The following NGFR variants were observed in gnomAD, a reference collection of about 807,000 sequenced individuals.
NGFR encodes the protein nerve growth factor receptor, also known as tumor necrosis factor receptor superfamily member 16.
Under a neutral mutation model 43.2 loss-of-function variants are expected in NGFR, and 30 were observed. That is an observed-to-expected ratio of 0.69 (90% CI 0.52 to 0.94). The LOEUF (loss-of-function observed/expected upper bound fraction) is 0.94. Ranked by LOEUF, NGFR falls within the 40% of genes least tolerant of loss-of-function variation. The pLI, the probability that NGFR is intolerant of heterozygous loss-of-function variation, is 0.00. For synonymous variants in NGFR, 246 were observed against 259.6 expected (o/e 0.95, Z 0.50); for missense variants, 529 against 602.5 (o/e 0.88, Z 1.28).
intron 1 of NGFR, 54 bp from the exon 2 acceptor site, chr17:49,502,009 A>ACCCC: frequency 6.0e-6 from 1 of 165,870 alleles, no homozygotes; most frequent in Non-Finnish European, 1.1e-5. Context: ...AACCCCCCCC[A>ACCCC]ACCCACCCCA....
Position 49,506,672 on chromosome 17 carries a change from G to A in NGFR, c.568+14G>A. ...CCGAGTGCGAGGGTGAGTGCGGTTC[G>A]GGGGGCGGGGGGAGTGGGGGTGCGG... On this transcript the variant is annotated intron_variant, in intron 3 of 5. Coordinates refer to ENST00000172229, the MANE Select transcript of NGFR (RefSeq NM_002507.4). 1 of 1,396,490 alleles carries A rather than the reference G, an allele frequency of 7.2e-7. No individual in the cohort carries two copies. The highest frequency in any genetic ancestry group is 9.4e-7 in the Non-Finnish European group (1 of 1,066,254). The allele number at this position is 1,396,490 out of a possible 1,614,324, so 86.5% of individuals were successfully genotyped here.
chr17:49,502,859 CCTTCCTT>C (rs1206578691), intron 2 of NGFR, among the ~76,000 whole-genome samples: 1 of 142,020 alleles, frequency 7.0e-6, no homozygotes, highest in Non-Finnish European at 1.6e-5. Flanking sequence ...TTCCTTCCTT[CCTTCCTT>C]CCTTTCTCTC....
intron 3 of NGFR, among the ~76,000 whole-genome samples, chr17:49,508,850 C>G (rs534561): frequency 0.39 from 59,566 of 151,998 alleles, 12,870 homozygotes; most frequent in African/African-American, 0.58. Context: ...CCAGCCTTCC[C>G]CTACCATGCT....
At chr17:49,506,079 G>A (rs74892865) in intron 2 of NGFR, 10,497 of 850,896 alleles carry the variant, frequency 0.012, 351 homozygotes, top group East Asian at 0.11. Context: ...TCTGGAGCCT[G>A]GAGGATGCGG....
chr17:49,506,792 G>T, intron 3 of NGFR, 134 bp downstream of exon 3: 1 of 800,062 alleles, frequency 1.2e-6, no homozygotes, highest in Non-Finnish European at 1.9e-6. Flanking sequence ...GAGGCAGCGT[G>T]CACCTTCCCT....
chr17:49,496,592 G>C (rs2071139456), intron 1 of NGFR: 1 of 152,244 alleles, frequency 6.6e-6, no homozygotes, highest in Admixed American at 6.5e-5. Flanking sequence ...GCTGCGGGGC[G>C]AGGCAAGTGC....
At chr17:49,510,802 C>T (rs1437961298) in intron 4 of NGFR, 138 bp downstream of exon 4, 1 of 1,117,274 alleles carries the variant, frequency 9.0e-7, no homozygotes, top group East Asian at 2.5e-5. Flanking sequence ...TCATCTGCCG[C>T]CCCACTCCAG....
Position 49,511,959 on chromosome 17 carries a change from G to C in NGFR, c.889G>C (p.Glu297Gln). The C allele has an allele frequency of 6.2e-7, 1 of 1,613,614 alleles. No homozygotes were observed. The highest frequency in any genetic ancestry group is 8.5e-7 in the Non-Finnish European group (1 of 1,179,810). ...SRPVNQTPPP[E>Q]GEKLHSDSGI... ...GCCAGTGAACCAGACGCCCCCACCA[G>C]AGGGAGAAAAACTCCACAGCGACAG... Residue 297 changes from glutamate to glutamine, a missense_variant, in exon 5 of 6, where the codon GAG (glutamate) becomes CAG (glutamine). Coordinates refer to ENST00000172229, the MANE Select transcript of NGFR (RefSeq NM_002507.4).
At chr17:49,510,091 G>C (rs1246882675) in intron 3 of NGFR, among the ~76,000 whole-genome samples, 1 of 152,160 alleles carries the variant, frequency 6.6e-6, no homozygotes, top group Non-Finnish European at 1.5e-5. Flanking sequence ...CATAGCCCCA[G>C]ATGGAAGGGA....
chr17:49,510,900 C>T, intron 4 of NGFR: 2 of 550,882 alleles, frequency 3.6e-6, no homozygotes, highest in South Asian at 2.1e-5. Context: ...CAGCCCCTCC[C>T]ACTCCCATGC....
rs888256301 is a variant in NGFR at position 49,512,322 on chromosome 17, G to A, written c.982+270G>A. 6.6e-6 allele frequency among the ~76,000 whole-genome samples: 1 copy of A among 152,224 alleles called. No homozygotes were observed. The highest frequency in any genetic ancestry group is 2.4e-5 in the African/African-American group (1 of 41,454). ...TGGGGGCTAATTATTGCCCAAAGTAGCTGCAATTAGCCTCTTGCCCTGGAC... is the reference window on the plus strand; with the variant it reads ...TGGGGGCTAATTATTGCCCAAAGTAACTGCAATTAGCCTCTTGCCCTGGAC... On this transcript the variant is annotated intron_variant, in intron 5 of 5. Coordinates refer to ENST00000172229, the MANE Select transcript of NGFR (RefSeq NM_002507.4). This position sits in a 1 kb window ranked among gnomAD's most constrained non-coding sequence, Gnocchi z 5.2.
rs1016381124 is a variant in NGFR, at chr17:49,512,908, A to G, written c.1183A>G (p.Ser395Gly). 5 of 1,612,676 alleles carry G rather than the reference A, an allele frequency of 3.1e-6. No individual in the cohort carries two copies. The highest frequency in any genetic ancestry group is 3.4e-6 in the Non-Finnish European group (4 of 1,179,662). The change falls in exon 6 of 6, where the codon AGC (serine) becomes GGC (glycine). Residue 395 changes from serine to glycine, a missense_variant. Transcript: ENST00000172229. This position sits in a 1 kb window ranked among gnomAD's most constrained non-coding sequence, Gnocchi z 5.2. ...ALLASWATQD[S>G]ATLDALLAAL... ...GCTTGCAAGCTGGGCCACCCAGGAC[A>G]GCGCCACACTGGACGCCCTCCTGGC...
chr17:49,496,678 C>T (rs2071140259), intron 1 of NGFR: 2 of 152,224 alleles, frequency 1.3e-5, no homozygotes, highest in Non-Finnish European at 2.9e-5. Flanking sequence ...AGCGCCGCGC[C>T]CACCGCGCTC....
At chr17:49,502,024 T>C in intron 1 of NGFR, 39 bp from the exon 2 acceptor site, 1 of 646,062 alleles carries the variant, frequency 1.5e-6, no homozygotes, top group Non-Finnish European at 2.3e-6. Context: ...ACCCCAGCTT[T>C]CTCTTGCCAG....
chr17:49,511,447 C>T (rs2071231593), intron 4 of NGFR, among the ~76,000 whole-genome samples: 1 of 151,896 alleles, frequency 6.6e-6, no homozygotes, highest in Admixed American at 6.6e-5. Flanking sequence ...ATTAGCTGAT[C>T]ATTTGTAACC....
In NGFR at chr17:49,506,474, C is replaced by T. The variant is rs1452545832; in HGVS notation, c.384C>T (p.Cys128=). The T allele has an allele frequency of 7.5e-6, 12 of 1,609,938 alleles. No individual in the cohort carries two copies. Among genetic ancestry groups the T allele is most frequent in the African/African-American group, 1.3e-5 (1 of 74,940 alleles). ...GGCGCTGCGAGGCGTGCCGCGTGTG[C>T]GAGGCGGGCTCGGGCCTCGTGTTCT... ...TTGRCEACRV[C]EAGSGLVFSC... is the part of the protein sequence containing the mutation. Residue 128 remains cysteine, a synonymous_variant, in exon 3 of 6, where the codon TGC becomes TGT. Coordinates refer to ENST00000172229, the MANE Select transcript of NGFR (RefSeq NM_002507.4).
chr17:49,501,369 C>T (rs2071166082), intron 1 of NGFR, among the ~76,000 whole-genome samples: 1 of 152,246 alleles, frequency 6.6e-6, no homozygotes, highest in Admixed American at 6.5e-5. Flanking sequence ...TGCCAAATGG[C>T]TGGCCTTTTG....
intron 1 of NGFR, among the ~76,000 whole-genome samples, chr17:49,497,982 T>C (rs1197514802): frequency 6.6e-6 from 1 of 152,220 alleles, no homozygotes; most frequent in Non-Finnish European, 1.5e-5. Flanking sequence ...CTAAGTGCCT[T>C]GCACTTCCCT....
chr17:49,506,700 G>GGGGGGCCC, intron 3 of NGFR, 42 bp downstream of exon 3: 1 of 485,202 alleles, frequency 2.1e-6, no homozygotes, highest in Non-Finnish European at 3.2e-6. Flanking sequence ...GGGTGCGGGG[G>GGGGGGCCC]TGGGCTGGGG....
Sources: allele counts gnomAD v4.1 joint callset (sites outside exome capture counted in the v4.1 genomes callset), GRCh38; gene constraint gnomAD v4.1.1; non-coding constraint Gnocchi (gnomAD v3.1); transcripts MANE v1.5; gene names NCBI Gene and HGNC (gene_info 2026-07-23, HGNC 2026-07-21).